SDC3: variants seen among roughly 807,000 people sequenced by gnomAD.
SDC3 encodes the protein syndecan-3.
SDC3 carries 13 observed loss-of-function variants against 24.4 expected under a neutral mutation model. That is an observed-to-expected ratio of 0.53 (90% CI 0.35 to 0.85). The LOEUF (loss-of-function observed/expected upper bound fraction) is 0.85, where lower values mean the gene tolerates loss of function less well. Ranked by LOEUF, SDC3 falls within the 40% of genes least tolerant of loss-of-function variation. The pLI, the probability that SDC3 is intolerant of heterozygous loss-of-function variation, is 0.01. For missense variants in SDC3, 571 were observed against 584.5 expected, an observed-to-expected ratio of 0.98 and a Z score of 0.24; for synonymous variants, 295 against 260.9, an observed-to-expected ratio of 1.13 and a Z score of -1.26.
chr1:30,885,764 C>A (rs181541860), intron 1 of SDC3, among the ~76,000 whole-genome samples: 1 of 152,332 alleles, frequency 6.6e-6, no homozygotes, highest in Admixed American at 6.5e-5. Context: ...TGCCCAGACA[C>A]CCACCCGCCC....
intron 1 of SDC3, among the ~76,000 whole-genome samples, chr1:30,903,320 G>A (rs1638451525): frequency 6.6e-6 from 1 of 152,156 alleles, no homozygotes. Flanking sequence ...GCTTATGGTG[G>A]CTTTTTAGAC....
intron 1 of SDC3, among the ~76,000 whole-genome samples, chr1:30,886,346 C>G (rs540514204): frequency 6.6e-6 from 1 of 152,206 alleles, no homozygotes; most frequent in African/African-American, 2.4e-5. Context: ...ACAATGCCTC[C>G]TTTGTCAGCC....
At chr1:30,893,499 C>T (rs1639938755) in intron 1 of SDC3, among the ~76,000 whole-genome samples, 1 of 152,034 alleles carries the variant, frequency 6.6e-6, no homozygotes, top group Admixed American at 6.5e-5. Context: ...CCCCAGGAGC[C>T]AGCACCCTTA....
At chr1:30,889,398 G>T (rs1170782099) in intron 1 of SDC3, among the ~76,000 whole-genome samples, 1 of 152,124 alleles carries the variant, frequency 6.6e-6, no homozygotes, top group Non-Finnish European at 1.5e-5. Flanking sequence ...CACAGTACGT[G>T]GTCAGCACGT....
intron 1 of SDC3, among the ~76,000 whole-genome samples, chr1:30,883,967 A>AT (rs1472545312): frequency 6.6e-6 from 1 of 151,886 alleles, no homozygotes; most frequent in Non-Finnish European, 1.5e-5. Context: ...CACCAGATCC[A>AT]CCCCGGAGAC....
chr1:30,874,236 A>C, intron 4 of SDC3, 61 bp downstream of exon 4: 1 of 1,409,310 alleles, frequency 7.1e-7, no homozygotes, highest in South Asian at 1.3e-5. Context: ...ACTGAGGCCC[A>C]GCCAGCTGTC....
At chr1:30,876,483 C>T in intron 3 of SDC3, 69 bp downstream of exon 3, 1 of 1,366,526 alleles carries the variant, frequency 7.3e-7, no homozygotes, top group South Asian at 1.6e-5. Flanking sequence ...TGTCCAGCCC[C>T]ATCCTCCTCA....
intron 1 of SDC3, among the ~76,000 whole-genome samples, chr1:30,899,001 C>T (rs188962858): frequency 1.1e-3 from 174 of 152,334 alleles, no homozygotes; most frequent in Non-Finnish European, 2.2e-3. Flanking sequence ...CACCACCTAA[C>T]GGGTCAGGGA....
At chr1:30,900,532 A>G (rs1169642812) in intron 1 of SDC3, among the ~76,000 whole-genome samples, 1 of 152,032 alleles carries the variant, frequency 6.6e-6, no homozygotes, top group Non-Finnish European at 1.5e-5. Flanking sequence ...GGAATAGTGT[A>G]TGGCTTCTGT....
intron 1 of SDC3, among the ~76,000 whole-genome samples, chr1:30,884,019 G>A (rs1484133444): frequency 2.0e-5 from 3 of 152,222 alleles, no homozygotes; most frequent in Non-Finnish European, 4.4e-5. Flanking sequence ...GCCAAGCTCC[G>A]GGCAGCAAGA....
chr1:30,885,361 T>G (rs1164791140), intron 1 of SDC3, among the ~76,000 whole-genome samples: 3 of 152,234 alleles, frequency 2.0e-5, no homozygotes, highest in African/African-American at 7.2e-5. Flanking sequence ...GCATTATAAC[T>G]AAAGGTTCCC....
At chr1:30,879,786 A>G (rs2124316414) in intron 1 of SDC3, among the ~76,000 whole-genome samples, 1 of 152,244 alleles carries the variant, frequency 6.6e-6, no homozygotes, top group South Asian at 2.1e-4. Flanking sequence ...CCCCCAACTG[A>G]AGTAAATGTG....
chr1:30,892,699 G>A (rs1043094037), intron 1 of SDC3, among the ~76,000 whole-genome samples: 2 of 152,186 alleles, frequency 1.3e-5, no homozygotes, highest in East Asian at 3.9e-4. Context: ...ACTAGTAGCA[G>A]CCTGTGAGCA....
intron 1 of SDC3, among the ~76,000 whole-genome samples, chr1:30,907,273 C>T (rs905074351): frequency 6.6e-6 from 1 of 152,190 alleles, no homozygotes; most frequent in African/African-American, 2.4e-5. Context: ...CCAACAAGAA[C>T]TCATCTGGGG....
Position 30,908,573 on chromosome 1 carries a change from G to T in SDC3, c.14C>A (p.Pro5Gln). The change falls in exon 1 of 5, where the codon CCG becomes CAG. Residue 5 changes from proline to glutamine, a missense_variant. By Grantham distance (76) the Pro-to-Gln change is moderately conservative. This residue lies in a region of SDC3 where 497 missense variants were observed against 471.6 expected (regional missense o/e 1.05). Coordinates refer to ENST00000339394, the MANE Select transcript of SDC3 (RefSeq NM_014654.4). MKPG[P>Q]PHRAGAAHGA... Reference sequence around the variant, plus strand: ...GTGGGCGGCCCCGGCACGGTGCGGCGGCCCCGGCTTCATGGCGGCGGCGCG... The same window carrying T: ...GTGGGCGGCCCCGGCACGGTGCGGCTGCCCCGGCTTCATGGCGGCGGCGCG... 1.0e-6 allele frequency: 1 copy of T among 977,172 alleles called. No individual in the cohort carries two copies. The highest frequency in any genetic ancestry group is 1.2e-6 in the Non-Finnish European group (1 of 826,292). 60.5% of individuals were successfully genotyped at this position (977,172 alleles called of 1,614,324 possible).
At position 30,874,355 on chromosome 1, in the gene SDC3, G is replaced by T. The variant is rs998958661; in HGVS notation, c.1104C>A (p.Gly368=). ...PGLLDNAIDS[G]SSAAQLPQKS... ...TCTGAGGCAGCTGAGCAGCTGAGCT[G>T]CCCGAGTCGATGGCATTGTCCAGGA... Residue 368 remains glycine, a synonymous_variant, in exon 4 of 5, where the codon GGC becomes GGA. Coordinates refer to ENST00000339394, the MANE Select transcript of SDC3 (RefSeq NM_014654.4). The T allele has an allele frequency of 3.1e-6, 5 of 1,613,606 alleles. No homozygotes were observed. In the Admixed American group the frequency reaches 8.3e-5, roughly 27 times the overall value.
intron 1 of SDC3, among the ~76,000 whole-genome samples, chr1:30,896,879 C>T (rs10914231): frequency 0.075 from 11,374 of 152,214 alleles, 1,233 homozygotes; most frequent in African/African-American, 0.25. Context: ...AGGAGAATTG[C>T]TTGAACCCGG....
chr1:30,882,634 G>A (rs201965088), intron 1 of SDC3, among the ~76,000 whole-genome samples: 3 of 152,166 alleles, frequency 2.0e-5, no homozygotes, highest in South Asian at 2.1e-4. Flanking sequence ...TCACTTTCAC[G>A]GCTACCTCTA....
intron 1 of SDC3, among the ~76,000 whole-genome samples, chr1:30,883,608 C>T (rs529393257): frequency 1.3e-5 from 2 of 152,234 alleles, no homozygotes; most frequent in East Asian, 1.9e-4. Context: ...CAGTCGGAGC[C>T]GTATAAGGCT....
Sources: allele counts gnomAD v4.1 joint callset (sites outside exome capture counted in the v4.1 genomes callset), GRCh38; gene constraint gnomAD v4.1.1; regional missense constraint gnomAD v4.1.1; transcripts MANE v1.5; gene names NCBI Gene and HGNC (gene_info 2026-07-23, HGNC 2026-07-21).